Variants in IMPG1 observed in about 807,000 individuals in gnomAD.
IMPG1 encodes the protein interphotoreceptor matrix proteoglycan 1, also known as interphotoreceptor matrix proteoglycan of 150 kDa.
IMPG1 carries 85 observed loss-of-function variants against 92.0 expected under a neutral mutation model. That is an observed-to-expected ratio of 0.92 (90% CI 0.78 to 1.11). The LOEUF (loss-of-function observed/expected upper bound fraction) is 1.11. IMPG1 is among the 50% of genes least tolerant of loss of function. IMPG1 has a pLI of 0.00. For missense variants in IMPG1, 1,022 were observed against 956.0 expected, an observed-to-expected ratio of 1.07 and a Z score of -0.91; for synonymous variants, 367 against 334.1, an observed-to-expected ratio of 1.10 and a Z score of -1.08.
intron 14 of IMPG1, among the ~76,000 whole-genome samples, chr6:75,940,205 T>TA (rs1273942690): frequency 6.6e-6 from 1 of 152,204 alleles, no homozygotes; most frequent in Non-Finnish European, 1.5e-5. Flanking sequence ...CTGGCCATTT[T>TA]AAAAAATCTG....
At chr6:76,035,354 C>T (rs987711419) in intron 2 of IMPG1, among the ~76,000 whole-genome samples, 1 of 152,010 alleles carries the variant, frequency 6.6e-6, no homozygotes, top group Non-Finnish European at 1.5e-5. Flanking sequence ...ACAAAATTAG[C>T]TGGGCGTGTT....
chr6:75,977,089 G>A (rs921355724), intron 12 of IMPG1, among the ~76,000 whole-genome samples: 15 of 152,054 alleles, frequency 9.9e-5, no homozygotes, highest in South Asian at 2.1e-4. Flanking sequence ...TTTGTATATT[G>A]AAGGACAGCT....
chr6:75,986,080 T>C (rs764632), intron 12 of IMPG1, among the ~76,000 whole-genome samples: 61,792 of 152,016 alleles, frequency 0.41, 12,983 homozygotes, highest in East Asian at 0.57. Context: ...AATTTTGACA[T>C]GTGTTCATCA....
rs184866365 is a variant in IMPG1 at position 75,926,750 on chromosome 6, A to G, written c.2244-3044T>C. The stretch of plus-strand genomic sequence containing the variant: ...CACCAAAAAAAGGAAGTTTGAAGTA[A>G]GTTCCTAGCATGGCAGAATCTATGT... On this transcript the variant is annotated intron_variant, in intron 15 of 16. Transcript: ENST00000369950. Among the ~76,000 whole-genome samples the G allele has an allele frequency of 2.0e-5, 3 of 152,370 alleles. No homozygotes were observed. In the East Asian group the frequency reaches 5.8e-4, roughly 29 times the overall value.
At chr6:76,018,935 G>C (rs1018507820) in intron 6 of IMPG1, 77 bp from the exon 7 acceptor site, 36 of 1,331,818 alleles carry the variant, frequency 2.7e-5, no homozygotes, top group Non-Finnish European at 3.3e-5. Flanking sequence ...AATATATGTT[G>C]ATACTGTCTC....
chr6:76,060,282 G>A (rs958574183), intron 1 of IMPG1, among the ~76,000 whole-genome samples: 4 of 152,146 alleles, frequency 2.6e-5, no homozygotes, highest in African/African-American at 7.2e-5. Flanking sequence ...CATATGCTTC[G>A]AGGCAGCATT....
intron 2 of IMPG1, 143 bp from the exon 3 acceptor site, chr6:76,034,930 A>G (rs957412899): frequency 1.3e-5 from 9 of 682,616 alleles, no homozygotes; most frequent in African/African-American, 3.6e-5. Flanking sequence ...TCATTTAACA[A>G]ATATTTATTG....
Position 76,005,351 on chromosome 6 carries a change from C to T in IMPG1, c.1071G>A (p.Arg357=). 1 of 1,614,018 alleles carries T rather than the reference C, an allele frequency of 6.2e-7. No homozygotes were observed. Among genetic ancestry groups the T allele is most frequent in the Non-Finnish European group, 8.5e-7 (1 of 1,179,900 alleles). ...EIYLTATDLK[R]LISKALEEEQ... ...CTTCCTCTAGTGCTTTGCTGATCAG[C>T]CTTTTGAGGTCTGTAGCTGTGAGAT... The change falls in exon 10 of 17, where the codon AGG becomes AGA. Residue 357 remains arginine, a synonymous_variant. Coordinates refer to ENST00000369950, the MANE Select transcript of IMPG1 (RefSeq NM_001563.4).
At chr6:75,938,851 A>AAAAC (rs1265325571) in intron 14 of IMPG1, among the ~76,000 whole-genome samples, 1,026 of 83,548 alleles carry the variant, frequency 0.012, 7 homozygotes, top group African/African-American at 0.034. Context: ...CAAAACAAAA[A>AAAAC]AATACTATAC....
intron 7 of IMPG1, 84 bp downstream of exon 7, chr6:76,018,634 G>T (rs1387207572): frequency 2.4e-6 from 3 of 1,257,618 alleles, no homozygotes; most frequent in East Asian, 5.1e-5. Context: ...AGCTGGAACT[G>T]TTCGCCGTAA....
In IMPG1 at chr6:75,984,763, A is replaced by G. The variant is rs1053142601; in HGVS notation, c.1291+18155T>C. On this transcript the variant is annotated intron_variant, in intron 12 of 16. Coordinates refer to ENST00000369950, the MANE Select transcript of IMPG1 (RefSeq NM_001563.4). ...GGGACAGATCCTTCACGAATGGCTT[A>G]GTGCCATCCCCTTGGCTAGGATTGA... Among the ~76,000 whole-genome samples, 3 of 152,212 alleles carry G rather than the reference A, an allele frequency of 2.0e-5. No homozygotes were observed. In the East Asian group the frequency reaches 5.8e-4, roughly 29 times the overall value.
chr6:75,944,218 C>T (rs556204236), intron 14 of IMPG1, among the ~76,000 whole-genome samples: 1 of 152,140 alleles, frequency 6.6e-6, no homozygotes, highest in Non-Finnish European at 1.5e-5. Flanking sequence ...CCTGTGCCCC[C>T]CTCTATTCCT....
intron 12 of IMPG1, among the ~76,000 whole-genome samples, chr6:75,991,563 G>T (rs965796098): frequency 4.6e-5 from 7 of 152,134 alleles, no homozygotes; most frequent in Non-Finnish European, 8.8e-5. Flanking sequence ...ATGGAAAATT[G>T]TGGAACTGGT....
Position 75,947,426 on chromosome 6 carries a change from T to G in IMPG1, c.1932A>C (p.Ser644=), listed in dbSNP as rs139192386. The part of the protein sequence containing the change: ...IVNSKMKFAK[S]VPYNLTKAVH... ...CAGCCTTGGTGAGGTTATACGGCAC[T>G]GACTTAGCAAACTTCATTTTGCTAT... is the stretch of plus-strand genomic sequence containing the variant. Residue 644 remains serine, a synonymous_variant, in exon 14 of 17, where the codon TCA becomes TCC. Transcript: ENST00000369950. 1 of 1,613,796 alleles carries G rather than the reference T, an allele frequency of 6.2e-7. No homozygotes were observed. Among genetic ancestry groups the G allele is most frequent in the African/African-American group, 1.3e-5 (1 of 74,922 alleles).
chr6:76,034,119 A>C (rs1783695301), intron 4 of IMPG1, among the ~76,000 whole-genome samples, 196 bp downstream of exon 4: 1 of 152,156 alleles, frequency 6.6e-6, no homozygotes, highest in Non-Finnish European at 1.5e-5. Context: ...CTAAATCTAT[A>C]AGGTCTATTT....
At chr6:75,998,486 A>G (rs577823750) in intron 12 of IMPG1, among the ~76,000 whole-genome samples, 45 of 152,348 alleles carry the variant, frequency 3.0e-4, no homozygotes, top group African/African-American at 1.0e-3. Context: ...ATTTTAACAT[A>G]TTACCTAGAT....
intron 15 of IMPG1, among the ~76,000 whole-genome samples, chr6:75,927,677 G>C (rs1336614845): frequency 6.6e-6 from 1 of 151,928 alleles, no homozygotes; most frequent in Admixed American, 6.6e-5. Context: ...GGGGTAATAA[G>C]GGCATTTCTC....
chr6:75,958,815 A>G (rs1181020630), intron 12 of IMPG1, among the ~76,000 whole-genome samples: 2 of 152,066 alleles, frequency 1.3e-5, no homozygotes, highest in African/African-American at 4.8e-5. Context: ...GCATTGGGTT[A>G]GAACATGCTC....
chr6:75,953,414 C>T (rs778356477), intron 12 of IMPG1, among the ~76,000 whole-genome samples: 2 of 151,772 alleles, frequency 1.3e-5, no homozygotes, highest in East Asian at 3.9e-4. Context: ...TTATACCTCC[C>T]CTATCCCTCC....
Sources: gnomAD v4.1 joint callset for allele counts (sites outside exome capture counted in the v4.1 genomes callset) on GRCh38, gnomAD v4.1.1 for gene constraint, MANE v1.5 for transcripts, NCBI Gene and HGNC (gene_info 2026-07-23, HGNC 2026-07-21) for gene names.